Variants in IQGAP1 observed in about 807,000 individuals in gnomAD.
IQGAP1 encodes ras GTPase-activating-like protein IQGAP1.
In IQGAP1, 66 loss-of-function variants were observed where a neutral mutation model predicts 215.6. The observed-to-expected ratio is 0.31, with a 90% CI of 0.25 to 0.38. IQGAP1 has a LOEUF of 0.38. Among genes scored for constraint, IQGAP1 ranks in the 10% least tolerant of loss-of-function variants. The pLI is 1.00. For synonymous variants in IQGAP1, 772 were observed against 728.7 expected, an observed-to-expected ratio of 1.06 and a Z score of -0.96; for missense variants, 1,712 against 1,997.1, an observed-to-expected ratio of 0.86 and a Z score of 2.72.
chr15:90,449,739 A>C, intron 11 of IQGAP1, 96 bp downstream of exon 11: 1 of 973,714 alleles, frequency 1.0e-6, no homozygotes, highest in Non-Finnish European at 1.5e-6. Context: ...ACCCACTCTG[A>C]GCCTACTAGC....
At chr15:90,421,494 A>T (rs955965577) in intron 2 of IQGAP1, among the ~76,000 whole-genome samples, 9 of 151,490 alleles carry the variant, frequency 5.9e-5, no homozygotes, top group Non-Finnish European at 1.0e-4. Flanking sequence ...AAAAAAAGCT[A>T]GAGATATGGT....
chr15:90,455,884 A>G (rs1254880277), intron 14 of IQGAP1, among the ~76,000 whole-genome samples: 3 of 152,246 alleles, frequency 2.0e-5, no homozygotes, highest in Non-Finnish European at 2.9e-5. Context: ...GGCCAGTTTC[A>G]TAAAAATCCT....
At chr15:90,462,475 G>C (rs1965777246) in intron 15 of IQGAP1, among the ~76,000 whole-genome samples, 1 of 152,148 alleles carries the variant, frequency 6.6e-6, no homozygotes, top group African/African-American at 2.4e-5. Flanking sequence ...TGATAAACGT[G>C]TTGTACAGAT....
chr15:90,419,131 C>G (rs1965095982), intron 2 of IQGAP1, among the ~76,000 whole-genome samples: 1 of 132,156 alleles, frequency 7.6e-6, no homozygotes, highest in Non-Finnish European at 1.6e-5. Context: ...TAGACTCTGT[C>G]TCAAAAAAGA....
At chr15:90,444,431 G>A (rs768092298) in intron 9 of IQGAP1, among the ~76,000 whole-genome samples, 2 of 151,886 alleles carry the variant, frequency 1.3e-5, no homozygotes, top group Admixed American at 6.6e-5. Flanking sequence ...ACAGTCATGC[G>A]CTGCCACACC....
intron 15 of IQGAP1, among the ~76,000 whole-genome samples, chr15:90,459,721 G>GT (rs1391941436): frequency 6.6e-6 from 1 of 151,990 alleles, no homozygotes; most frequent in Non-Finnish European, 1.5e-5. Context: ...GTTTTGTTTT[G>GT]TTTTTTGTTT....
chr15:90,459,011 G>A (rs981406549), intron 15 of IQGAP1, among the ~76,000 whole-genome samples: 2 of 152,108 alleles, frequency 1.3e-5, no homozygotes, highest in Non-Finnish European at 2.9e-5. Context: ...GAGCCCACAC[G>A]AGTGTCAGTG....
At chr15:90,406,634 AG>A (rs1381051319) in intron 2 of IQGAP1, among the ~76,000 whole-genome samples, 1 of 152,218 alleles carries the variant, frequency 6.6e-6, no homozygotes, top group Non-Finnish European at 1.5e-5. Flanking sequence ...AAGCACTTTT[AG>A]GGCATGTTAT....
chr15:90,427,180 T>G (rs976970645), intron 3 of IQGAP1, among the ~76,000 whole-genome samples: 2 of 152,056 alleles, frequency 1.3e-5, no homozygotes, highest in Non-Finnish European at 2.9e-5. Flanking sequence ...GAGGATTGCT[T>G]GAGCCTAGGA....
chr15:90,487,654 G>A (rs1196930828), intron 33 of IQGAP1, 72 bp downstream of exon 33: 6 of 1,017,144 alleles, frequency 5.9e-6, no homozygotes, highest in Non-Finnish European at 9.1e-6. Context: ...GTCAGAGAAA[G>A]GAGGGGAGAC....
chr15:90,448,255 T>G (rs1677030280), intron 9 of IQGAP1, among the ~76,000 whole-genome samples: 1 of 152,192 alleles, frequency 6.6e-6, no homozygotes, highest in Admixed American at 6.5e-5. Context: ...TTAAGGGAAT[T>G]TAAGCGTCAT....
intron 23 of IQGAP1, among the ~76,000 whole-genome samples, chr15:90,475,427 A>G (rs943062997): frequency 6.6e-6 from 1 of 151,850 alleles, no homozygotes. Context: ...ATGAGCCACC[A>G]TGCCCGGCCA....
intron 19 of IQGAP1, chr15:90,473,428 T>C (rs1965932644): frequency 4.6e-6 from 2 of 433,882 alleles, no homozygotes; most frequent in Non-Finnish European, 8.4e-6. Flanking sequence ...TTGTATCTTA[T>C]CTTCCTCACC....
chr15:90,413,322 C>A (rs1903332822), intron 2 of IQGAP1, among the ~76,000 whole-genome samples: 1 of 152,100 alleles, frequency 6.6e-6, no homozygotes, highest in Non-Finnish European at 1.5e-5. Context: ...GGAAAGTAGT[C>A]AACTCACAGG....
chr15:90,492,604 A>G lies in IQGAP1; in HGVS notation c.4521A>G (p.Gln1507=), dbSNP rs1966221587. The stretch of plus-strand genomic sequence containing the variant: ...GAAAGGCCGAACTAGTGAAACTGCA[A>G]CAGACATACGCTGCTCTGAACTCTA... ...QRRKAELVKL[Q]QTYAALNSKA... Residue 1507 remains glutamine, a synonymous_variant, in exon 35 of 38, where the codon CAA becomes CAG. Transcript: ENST00000268182. The G allele has an allele frequency of 1.2e-6, 2 of 1,613,822 alleles. No individual in the cohort carries two copies. Among genetic ancestry groups the G allele is most frequent in the Admixed American group, 1.7e-5 (1 of 59,956 alleles).
chr15:90,475,617 G>A (rs1596285816), intron 23 of IQGAP1: 3 of 151,768 alleles, frequency 2.0e-5, no homozygotes, highest in Non-Finnish European at 2.9e-5. Context: ...GCTGGACATG[G>A]TAGTACATGC....
chr15:90,461,366 T>A (rs1965758934), intron 15 of IQGAP1, among the ~76,000 whole-genome samples: 1 of 152,160 alleles, frequency 6.6e-6, no homozygotes, highest in African/African-American at 2.4e-5. Context: ...TGTTTGTTTT[T>A]CATGGTGGAG....
intron 15 of IQGAP1, among the ~76,000 whole-genome samples, chr15:90,461,857 C>T (rs554257612): frequency 2.6e-5 from 4 of 151,452 alleles, no homozygotes; most frequent in Admixed American, 6.6e-5. Context: ...TGACTTAAAT[C>T]GGCTGGGTGC....
In IQGAP1 at chr15:90,458,594, T is replaced by G. The variant is rs76988804; in HGVS notation, c.1776+2279T>G. ...ATTCTGAATCAGTAGAATTAGACTT[T>G]AAGCTTAGGAATCTGTATTTTAAAA... On this transcript the variant is annotated intron_variant, in intron 15 of 37. Coordinates refer to ENST00000268182, the MANE Select transcript of IQGAP1 (RefSeq NM_003870.4). 2.2e-4 allele frequency among the ~76,000 whole-genome samples: 34 copies of G among 152,378 alleles called. No individual in the cohort carries two copies. The East Asian group carries it at 6.4e-3, about 28-fold the overall frequency.
Sources: allele counts gnomAD v4.1 joint callset (sites outside exome capture counted in the v4.1 genomes callset), GRCh38; gene constraint gnomAD v4.1.1; transcripts MANE v1.5; gene names NCBI Gene and HGNC (gene_info 2026-07-23, HGNC 2026-07-21).